The following PREX1 variants were observed in gnomAD, a reference collection of about 807,000 sequenced individuals.
PREX1 encodes the protein phosphatidylinositol 3,4,5-trisphosphate-dependent Rac exchanger 1 protein.
PREX1 carries 41 observed loss-of-function variants against 198.3 expected under a neutral mutation model. The ratio of observed to expected loss-of-function variants is 0.21; its 90% CI spans 0.16 to 0.27. The LOEUF is 0.27. Among genes scored for constraint, PREX1 ranks in the 10% least tolerant of loss-of-function variants. PREX1 has a pLI of 1.00. For synonymous variants in PREX1, 843 were observed against 887.2 expected, an observed-to-expected ratio of 0.95 and a Z score of 0.89; for missense variants, 1,620 against 2,200.7, an observed-to-expected ratio of 0.74 and a Z score of 5.28.
At chr20:48,764,227 A>G (rs1173910649) in intron 1 of PREX1, among the ~76,000 whole-genome samples, 4 of 152,174 alleles carry the variant, frequency 2.6e-5, no homozygotes, top group African/African-American at 9.7e-5. Context: ...ACGTGAAAGG[A>G]GGGAGAACTT....
intron 6 of PREX1, among the ~76,000 whole-genome samples, chr20:48,704,660 A>AT (rs1350218086): frequency 6.6e-6 from 1 of 151,708 alleles, no homozygotes; most frequent in Non-Finnish European, 1.5e-5. Flanking sequence ...GGTTCAAGCG[A>AT]TTCTCCTGCC....
chr20:48,731,724 G>A (rs535209197), intron 4 of PREX1, among the ~76,000 whole-genome samples: 1 of 152,340 alleles, frequency 6.6e-6, no homozygotes, highest in South Asian at 2.1e-4. Flanking sequence ...GCTGGGAGAC[G>A]CCAGCAAGGA....
At chr20:48,810,624 C>T (rs1184034581) in intron 1 of PREX1, among the ~76,000 whole-genome samples, 1 of 145,160 alleles carries the variant, frequency 6.9e-6, no homozygotes, top group Non-Finnish European at 1.5e-5. Flanking sequence ...CGGTGGCTCA[C>T]TCTTGTAATC....
Position 48,797,813 on chromosome 20 carries a change from C to A in PREX1, c.219+29829G>T, listed in dbSNP as rs371278296. On this transcript the variant is annotated intron_variant, in intron 1 of 39. Coordinates refer to ENST00000371941, the MANE Select transcript of PREX1 (RefSeq NM_020820.4). ...ACTTTGCACCCCGCTGTAACCCCAC[C>A]TGATGCCTGAGAACACTGAGGCCCA... Among the ~76,000 whole-genome samples, 11 of 152,360 alleles carry A rather than the reference C, an allele frequency of 7.2e-5. No homozygotes were observed. In the East Asian group the frequency reaches 1.5e-3, roughly 21 times the overall value.
intron 1 of PREX1, among the ~76,000 whole-genome samples, chr20:48,818,204 C>T (rs965855831): frequency 1.1e-4 from 17 of 151,974 alleles, no homozygotes; most frequent in African/African-American, 3.9e-4. Context: ...AGGAAGTGGG[C>T]GAGGGGGTAA....
chr20:48,661,527 A>ATGTGTGTG (rs536771095), intron 15 of PREX1, among the ~76,000 whole-genome samples: 3 of 121,238 alleles, frequency 2.5e-5, no homozygotes, highest in African/African-American at 6.5e-5. Context: ...AATATATATA[A>ATGTGTGTG]TGTGTGTGTG....
At chr20:48,692,870 C>T (rs945884894) in intron 7 of PREX1, 80 bp from the exon 8 acceptor site, 2 of 1,203,700 alleles carry the variant, frequency 1.7e-6, no homozygotes, top group Non-Finnish European at 2.5e-6. Flanking sequence ...AAGGGGAACA[C>T]AACACTGAGG....
chr20:48,752,091 A>G (rs2090136522), intron 1 of PREX1, among the ~76,000 whole-genome samples: 1 of 152,168 alleles, frequency 6.6e-6, no homozygotes, highest in Non-Finnish European at 1.5e-5. Context: ...CCCCAGCAGT[A>G]TGCACTCGAG....
At chr20:48,628,781 GC>G (rs1239342190) in intron 37 of PREX1, among the ~76,000 whole-genome samples, 1 of 152,220 alleles carries the variant, frequency 6.6e-6, no homozygotes, top group Non-Finnish European at 1.5e-5. Flanking sequence ...GAGAGCACTG[GC>G]CCCGTGAAAC....
the PREX1 span, among the ~76,000 whole-genome samples, chr20:48,857,878 A>G: frequency 6.6e-6 from 1 of 152,232 alleles, no homozygotes; most frequent in Non-Finnish European, 1.5e-5. Context: ...TTGAGCAACA[A>G]GCAGCCATGC....
At chr20:48,629,087 G>A (rs1189157774) in intron 37 of PREX1, among the ~76,000 whole-genome samples, 2 of 152,180 alleles carry the variant, frequency 1.3e-5, no homozygotes, top group African/African-American at 4.8e-5. Context: ...GAGCACTGGG[G>A]ACAAAGGATG....
chr20:48,666,504 G>T lies in PREX1; in HGVS notation c.1666-149C>A. ...GTTTACTGCAGTAACCCCAAAACGGGTTTGTGATTATTATTTTTTATTATT... is the reference window on the plus strand; with the variant it reads ...GTTTACTGCAGTAACCCCAAAACGGTTTTGTGATTATTATTTTTTATTATT... On this transcript the variant is annotated intron_variant, in intron 14 of 39. Transcript: ENST00000371941. The surrounding 1 kb of genome is among the most constrained non-coding windows in gnomAD (Gnocchi z 4.3). The T allele has an allele frequency of 1.9e-6, 1 of 515,094 alleles. No homozygotes were observed. Among genetic ancestry groups the T allele is most frequent in the Non-Finnish European group, 3.4e-6 (1 of 294,944 alleles). 31.9% of individuals were successfully genotyped at this position (515,094 alleles called of 1,614,324 possible). A position where few individuals can be genotyped will look rare whatever the true frequency, so the allele number is the denominator to read the frequency against.
rs73909720 is a variant in PREX1 at position 48,784,481 on chromosome 20, G to A, written c.220-36601C>T. 7.5e-3 allele frequency among the ~76,000 whole-genome samples: 1,141 copies of A among 152,012 alleles called. 9 individuals are homozygous for A. Among genetic ancestry groups the A allele is most frequent in the African/African-American group, 0.026 (1,083 of 41,456 alleles). On this transcript the variant is annotated intron_variant, in intron 1 of 39. Coordinates refer to ENST00000371941, the MANE Select transcript of PREX1 (RefSeq NM_020820.4). The stretch of plus-strand genomic sequence containing the variant: ...AAGGACTCATCTAGACTCTACCCCC[G>A]CCACCCCACATTCTCAATATTGCTA...
At chr20:48,842,137 G>C in the PREX1 span, among the ~76,000 whole-genome samples, 1 of 151,698 alleles carries the variant, frequency 6.6e-6, no homozygotes, top group Admixed American at 6.6e-5. Flanking sequence ...TGCTAACCAG[G>C]ACTTCTTTCC....
At chr20:48,800,753 G>A (rs535688361) in intron 1 of PREX1, among the ~76,000 whole-genome samples, 1 of 152,226 alleles carries the variant, frequency 6.6e-6, no homozygotes, top group South Asian at 2.1e-4. Context: ...CTGAACACGG[G>A]CCTTTATAAT....
At chr20:48,817,346 C>G (rs1422664249) in intron 1 of PREX1, among the ~76,000 whole-genome samples, 1 of 152,150 alleles carries the variant, frequency 6.6e-6, no homozygotes, top group Non-Finnish European at 1.5e-5. Context: ...TATTTCAAGT[C>G]CCAGGAAGGA....
intron 25 of PREX1, among the ~76,000 whole-genome samples, chr20:48,647,085 C>T (rs987013259): frequency 1.3e-5 from 2 of 152,050 alleles, no homozygotes; most frequent in African/African-American, 2.4e-5. Context: ...CAAAAATTAG[C>T]CAGGCATGGC....
At chr20:48,746,637 G>T (rs2090108676) in intron 2 of PREX1, among the ~76,000 whole-genome samples, 1 of 152,098 alleles carries the variant, frequency 6.6e-6, no homozygotes, top group African/African-American at 2.4e-5. Context: ...GGCAGTTGGG[G>T]CTGGGAAATG....
chr20:48,811,509 T>G (rs1600530328), intron 1 of PREX1, among the ~76,000 whole-genome samples: 1 of 151,546 alleles, frequency 6.6e-6, no homozygotes, highest in East Asian at 1.9e-4. Flanking sequence ...ATCAATGACT[T>G]CTGACCAGAG....
Sources: gnomAD v4.1 joint callset for allele counts (sites outside exome capture counted in the v4.1 genomes callset) on GRCh38, gnomAD v4.1.1 for gene constraint, Gnocchi (gnomAD v3.1) non-coding constraint, MANE v1.5 for transcripts, NCBI Gene and HGNC (gene_info 2026-07-23, HGNC 2026-07-21) for gene names.